The following RAB38 variants were observed in gnomAD, a reference collection of about 807,000 sequenced individuals.
RAB38 encodes the protein RAB38, member RAS oncogene family.
In RAB38, 15 loss-of-function variants were observed where a neutral mutation model predicts 18.4. The ratio of observed to expected loss-of-function variants is 0.82; its 90% CI spans 0.55 to 1.26. The LOEUF is 1.26. RAB38 is among the 50% of genes most tolerant of loss of function. The probability of loss-of-function intolerance (pLI) is 0.00; values close to 1 mark genes in which losing one functional copy is unlikely to be tolerated. For missense variants in RAB38, 294 were observed against 267.4 expected (o/e 1.10, Z -0.69); for synonymous variants, 101 against 104.4 (o/e 0.97, Z 0.20).
At chr11:88,027,292 C>T in the RAB38 span, among the ~76,000 whole-genome samples, 3,367 of 152,094 alleles carry the variant, frequency 0.022, 104 homozygotes, top group African/African-American at 0.074. Flanking sequence ...CCAGTGTGAG[C>T]GACGCAGAAG....
At chr11:88,075,311 A>T in the RAB38 span, among the ~76,000 whole-genome samples, 1 of 152,218 alleles carries the variant, frequency 6.6e-6, no homozygotes, top group Non-Finnish European at 1.5e-5. Context: ...CACAAGTCTC[A>T]ACAAATTTTA....
intron 1 of RAB38, among the ~76,000 whole-genome samples, chr11:88,150,256 C>T (rs1252637518): frequency 6.6e-6 from 1 of 152,146 alleles, no homozygotes; most frequent in Non-Finnish European, 1.5e-5. Context: ...ATTAAATGAA[C>T]AAAAACTAAA....
chr11:87,913,732 G>A, the RAB38 span, among the ~76,000 whole-genome samples: 1 of 152,086 alleles, frequency 6.6e-6, no homozygotes, highest in Non-Finnish European at 1.5e-5. Flanking sequence ...CTGACGCTTT[G>A]AGAGCAGGTT....
At chr11:87,974,530 A>G in the RAB38 span, among the ~76,000 whole-genome samples, 22 of 152,022 alleles carry the variant, frequency 1.4e-4, no homozygotes, top group African/African-American at 4.3e-4. Context: ...AAACCTCAGG[A>G]AAAATAAGAT....
chr11:88,118,976 C>A (rs1942594516), intron 2 of RAB38, among the ~76,000 whole-genome samples: 1 of 152,102 alleles, frequency 6.6e-6, no homozygotes, highest in Non-Finnish European at 1.5e-5. Flanking sequence ...CAGAGCAGAA[C>A]ATTATCTTAG....
At chr11:88,052,545 A>G in the RAB38 span, among the ~76,000 whole-genome samples, 1 of 152,086 alleles carries the variant, frequency 6.6e-6, no homozygotes, top group Admixed American at 6.6e-5. Context: ...TCTTGTTCAT[A>G]TGCTTCCTTA....
At chr11:88,071,026 G>A in the RAB38 span, among the ~76,000 whole-genome samples, 1 of 152,102 alleles carries the variant, frequency 6.6e-6, no homozygotes, top group Non-Finnish European at 1.5e-5. Flanking sequence ...AGACTTAAAA[G>A]GAGTTCACAA....
chr11:88,107,120 A>G, the RAB38 span, among the ~76,000 whole-genome samples: 2 of 152,032 alleles, frequency 1.3e-5, no homozygotes, highest in East Asian at 1.9e-4. Context: ...TTTTTTTCTT[A>G]TCACAGCTTT....
intron 1 of RAB38, chr11:88,174,167 T>C (rs1373733354): frequency 1.2e-6 from 1 of 852,004 alleles, no homozygotes; most frequent in African/African-American, 1.8e-5. Flanking sequence ...TTAACAGCGA[T>C]GCAACTGAGC....
At chr11:88,168,639 C>T (rs1160482493) in intron 1 of RAB38, among the ~76,000 whole-genome samples, 1 of 148,864 alleles carries the variant, frequency 6.7e-6, no homozygotes, top group Non-Finnish European at 1.5e-5. Flanking sequence ...AGATCTTATA[C>T]TTCTCAAATC....
chr11:88,102,603 TAAG>T, the RAB38 span, among the ~76,000 whole-genome samples: 6 of 152,166 alleles, frequency 3.9e-5, no homozygotes, highest in East Asian at 5.8e-4. Context: ...TATATTCACG[TAAG>T]AAGGAGAAAA....
chr11:87,891,795 G>A, the RAB38 span, among the ~76,000 whole-genome samples: 1 of 151,764 alleles, frequency 6.6e-6, no homozygotes, highest in African/African-American at 2.4e-5. Context: ...AAAGAATACA[G>A]GTCTTGCCCT....
the RAB38 span, among the ~76,000 whole-genome samples, chr11:87,950,059 T>C: frequency 6.6e-6 from 1 of 152,246 alleles, no homozygotes; most frequent in African/African-American, 2.4e-5. Context: ...ACTTGCTTTA[T>C]GAATCTGGGT....
the RAB38 span, among the ~76,000 whole-genome samples, chr11:87,921,269 G>A: frequency 1.3e-5 from 2 of 151,824 alleles, no homozygotes; most frequent in African/African-American, 4.8e-5. Context: ...CATTTCCTGG[G>A]CTAGTGATAC....
At chr11:87,840,943 G>C in the RAB38 span, among the ~76,000 whole-genome samples, 1 of 152,040 alleles carries the variant, frequency 6.6e-6, no homozygotes, top group Non-Finnish European at 1.5e-5. Context: ...CTCGTTACAG[G>C]TATTAAGCAT....
chr11:88,110,813 C>CA (rs10700245), downstream of RAB38, among the ~76,000 whole-genome samples: 24,772 of 114,920 alleles, frequency 0.22, 2,752 homozygotes, highest in East Asian at 0.43. Context: ...GACTCCATCT[C>CA]AAAAAAAAAA....
intron 2 of RAB38, among the ~76,000 whole-genome samples, chr11:88,136,965 C>T (rs1328999006): frequency 1.3e-5 from 2 of 152,134 alleles, no homozygotes; most frequent in Non-Finnish European, 2.9e-5. Context: ...CAAGAGACAC[C>T]AACTAGCATA....
chr11:87,946,757 A>G, the RAB38 span, among the ~76,000 whole-genome samples: 1 of 150,676 alleles, frequency 6.6e-6, no homozygotes, highest in Non-Finnish European at 1.5e-5. Flanking sequence ...TCCATGGTGT[A>G]TATGTGCCAC....
chr11:87,882,877 A>G, the RAB38 span, among the ~76,000 whole-genome samples: 2 of 151,900 alleles, frequency 1.3e-5, no homozygotes, highest in Non-Finnish European at 2.9e-5. Flanking sequence ...TCCCCAAGAA[A>G]AAAAATAAGT....
Sources: allele counts gnomAD v4.1 joint callset (sites outside exome capture counted in the v4.1 genomes callset), GRCh38; gene constraint gnomAD v4.1.1; transcripts MANE v1.5; gene names NCBI Gene and HGNC (gene_info 2026-07-23, HGNC 2026-07-21).